The following GAS2L1 variants were observed in gnomAD, a reference collection of about 807,000 sequenced individuals.
GAS2L1 encodes growth arrest specific 2 like 1, also known as GAS2-like protein 1.
A neutral mutation model predicts 44.0 loss-of-function variants in GAS2L1; 26 were observed. That is an observed-to-expected ratio of 0.59 (90% confidence interval 0.43 to 0.82). The LOEUF is 0.82. Among genes scored for constraint, GAS2L1 ranks in the 40% least tolerant of loss-of-function variants. The pLI, the probability that GAS2L1 is intolerant of heterozygous loss-of-function variation, is 0.00. For synonymous variants in GAS2L1, 426 were observed against 415.9 expected (o/e 1.02, Z -0.30); for missense variants, 1,006 against 983.0 (o/e 1.02, Z -0.31).
In GAS2L1 at chr22:29,310,260, A is replaced by T. The variant is rs1156866086; in HGVS notation, c.634-179A>T. The T allele has an allele frequency of 2.4e-4, 89 of 364,758 alleles. 1 individual carries two copies. Among genetic ancestry groups the T allele is most frequent in the African/African-American group, 1.2e-3 (50 of 42,864 alleles). The allele number at this position is 364,758 out of a possible 1,614,324, so 22.6% of individuals were successfully genotyped here. ...TCCAACTCAAAAAAAAAAAAAAATAAAAAAAAATAAAAAAAATAAAAGAAA... is the reference window on the plus strand; with the variant it reads ...TCCAACTCAAAAAAAAAAAAAAATATAAAAAAATAAAAAAAATAAAAGAAA... On this transcript the variant is annotated intron_variant, in intron 1 of 4. Coordinates refer to ENST00000618518, the Ensembl canonical transcript of GAS2L1.
chr22:29,310,782 C>A, intron 3 of GAS2L1, 45 bp from the exon 5 acceptor site: 2 of 1,606,118 alleles, frequency 1.2e-6, no homozygotes, highest in Non-Finnish European at 1.7e-6. Context: ...GGACTTGCTT[C>A]TGTGGCTCTG....
At chr22:29,312,584 CTCT>C (rs1259079556) in exon 5 of GAS2L1, 1 of 996,030 alleles carries the variant, frequency 1.0e-6, no homozygotes, top group African/African-American at 1.6e-5. Context: ...CCCCCTCTGC[CTCT>C]TGAGTACCAG....
chr22:29,311,609 G>A, exon 5 of GAS2L1: 2 of 1,538,746 alleles, frequency 1.3e-6, no homozygotes, highest in Non-Finnish European at 1.7e-6. Flanking sequence ...CCAGCCGGCG[G>A]CTGACCACAG....
intron 1 of GAS2L1, among the ~76,000 whole-genome samples, chr22:29,309,167 C>T (rs1329076095): frequency 6.6e-6 from 1 of 152,200 alleles, no homozygotes; most frequent in Non-Finnish European, 1.5e-5. Flanking sequence ...TCGGTTGAGA[C>T]GAGGCATGGA....
rs199981414 is a variant in GAS2L1, at chr22:29,308,371, C to G, written c.266C>G (p.Ala89Gly). The G allele has an allele frequency of 5.7e-4, 916 of 1,605,830 alleles. 1 individual carries two copies. Among genetic ancestry groups the G allele is most frequent in the Non-Finnish European group, 7.5e-4 (879 of 1,176,114 alleles). ...CCGGCCCGAGGTGTGGCCTTCCAGG[C>G]GCACAGTGTAGTGCCTGGCTCCTTC... Residue 89 changes from alanine to glycine, a missense_variant, in exon 1 of 5, where the codon GCG becomes GGG. Ala to Gly is a moderately conservative substitution (Grantham distance 60). Transcript: ENST00000618518.
chr22:29,310,727 C>T, exon 3 of GAS2L1: 2 of 1,609,096 alleles, frequency 1.2e-6, no homozygotes, highest in East Asian at 2.2e-5. Context: ...GCCGCTGCTC[C>T]TCCACTGGTC....
chr22:29,309,834 C>T (rs1300941855), intron 1 of GAS2L1, among the ~76,000 whole-genome samples: 1 of 152,220 alleles, frequency 6.6e-6, no homozygotes, highest in Non-Finnish European at 1.5e-5. Context: ...TGAGGACGGG[C>T]TCTGGGCCTT....
Position 29,310,895 on chromosome 22 carries a change from C to T in GAS2L1, c.907C>T (p.Arg303Cys), listed in dbSNP as rs116700559. 801 of 1,613,530 alleles carry T rather than the reference C, an allele frequency of 5.0e-4. 3 individuals are homozygous for T. The African/African-American group carries it at 9.5e-3, about 19-fold the overall frequency. Residue 303 changes from arginine (R) to cysteine (C), a missense_variant, in exon 4 of 5, where the codon CGC becomes TGC. Coordinates refer to ENST00000618518, the Ensembl canonical transcript of GAS2L1. ...GAGGGTGTCGCCCACCACCAGTCCC[C>T]GCCCTGCTAGCCCAGTCCCTGGGAG...
At chr22:29,307,874 T>C (rs567996020) in exon 1 of GAS2L1, 1 of 389,490 alleles carries the variant, frequency 2.6e-6, no homozygotes, top group East Asian at 3.7e-5. Context: ...CCTAAATTTA[T>C]AAAAATTATC....
Position 29,312,164 on chromosome 22 carries a change from C to CG in GAS2L1, c.1714dup (p.Val572GlyfsTer33). 1 of 1,613,076 alleles carries CG rather than the reference C, an allele frequency of 6.2e-7. No individual in the cohort carries two copies. Among genetic ancestry groups the CG allele is most frequent in the Non-Finnish European group, 8.5e-7 (1 of 1,179,798 alleles). On this transcript the variant is annotated frameshift_variant, in exon 5 of 5. Transcript: ENST00000618518. LOFTEE classifies it high-confidence loss of function. ...CCAGTTCCTCCTCTTCGTCCCTCAG[C>CG]GTCCTGGGTGGCAAATGTGGCCAAC...
chr22:29,311,216 TTGC>T (rs1350814449), intron 4 of GAS2L1: 1 of 594,866 alleles, frequency 1.7e-6, no homozygotes. Context: ...AGTCCAGCTC[TTGC>T]TTCCTCTGGC....
chr22:29,306,939 CG>C (rs918874897), upstream of GAS2L1: 1 of 152,142 alleles, frequency 6.6e-6, no homozygotes, highest in East Asian at 1.9e-4. Flanking sequence ...CCCGCCGGCT[CG>C]GGGAAGGGGC....
chr22:29,312,011 C>A (rs2061414527), exon 5 of GAS2L1: 1 of 1,611,960 alleles, frequency 6.2e-7, no homozygotes, highest in South Asian at 1.1e-5. Flanking sequence ...TGTTCCGGCG[C>A]CTGGAAGAGG....
chr22:29,311,811 C>T lies in GAS2L1; in HGVS notation c.1360C>T (p.Gln454Ter). 1 of 1,587,240 alleles carries T rather than the reference C, an allele frequency of 6.3e-7. No homozygotes were observed. Among genetic ancestry groups the T allele is most frequent in the Non-Finnish European group, 8.5e-7 (1 of 1,174,296 alleles). Residue 454 changes from glutamine to a stop codon, truncating the protein, a stop_gained, in exon 5 of 5, where the codon CAG becomes TAG. Coordinates refer to ENST00000618518, the Ensembl canonical transcript of GAS2L1. LOFTEE classifies it high-confidence loss of function. Reference sequence around the variant, plus strand: ...GCTTGTGCGCAGGGATCGAGACGGGCAGCACTCATGGGTGCCAAGGGGCAG... The same window carrying T: ...GCTTGTGCGCAGGGATCGAGACGGGTAGCACTCATGGGTGCCAAGGGGCAG...
chr22:29,308,449 G>A (rs1261967948), exon 1 of GAS2L1: 5 of 1,606,018 alleles, frequency 3.1e-6, no homozygotes, highest in Non-Finnish European at 4.2e-6. Flanking sequence ...GTGGAGCTGG[G>A]TGTGCCGGAG....
chr22:29,310,964 C>G (rs370281351), exon 4 of GAS2L1: 40 of 1,613,414 alleles, frequency 2.5e-5, no homozygotes, highest in South Asian at 4.4e-5. Context: ...CGTTAGCTTA[C>G]GAAGCACAAA....
chr22:29,312,609 C>A, exon 5 of GAS2L1: 1 of 727,578 alleles, frequency 1.4e-6, no homozygotes, highest in Non-Finnish European at 2.1e-6. Flanking sequence ...CCTCATGGGA[C>A]CAGACCCCTT....
chr22:29,309,520 C>G (rs2061382060), intron 1 of GAS2L1, among the ~76,000 whole-genome samples: 1 of 152,252 alleles, frequency 6.6e-6, no homozygotes, highest in South Asian at 2.1e-4. Flanking sequence ...TGTCCTGGAC[C>G]AGGGTCACTC....
chr22:29,308,288 C>T (rs754586658), exon 1 of GAS2L1: 38 of 1,608,092 alleles, frequency 2.4e-5, no homozygotes, highest in South Asian at 4.4e-5. Context: ...CGGGCACGAC[C>T]CTGTGCCAAC....
Sources: allele counts gnomAD v4.1 joint callset (sites outside exome capture counted in the v4.1 genomes callset), GRCh38; gene constraint gnomAD v4.1.1; transcripts MANE v1.5; gene names NCBI Gene and HGNC (gene_info 2026-07-23, HGNC 2026-07-21).